Variants in RNF213 observed in about 807,000 individuals in gnomAD.
RNF213 encodes the protein E3 ubiquitin-protein ligase RNF213.
Under a neutral mutation model 514.4 loss-of-function variants are expected in RNF213, and 341 were observed. The observed-to-expected ratio is 0.66, with a 90% confidence interval of 0.61 to 0.73. The LOEUF (loss-of-function observed/expected upper bound fraction) is 0.73, where lower values mean the gene tolerates loss of function less well. Ranked by LOEUF, RNF213 falls within the 30% of genes least tolerant of loss-of-function variation. The pLI is 0.00. For synonymous variants in RNF213, 2,655 were observed against 2,658.2 expected (o/e 1.00, Z 0.04); for missense variants, 5,767 against 6,615.6 (o/e 0.87, Z 4.45).
At chr17:80,341,335 G>A (rs1028474905) in intron 26 of RNF213, 1 of 152,238 alleles carries the variant, frequency 6.6e-6, no homozygotes, top group African/African-American at 2.4e-5. Flanking sequence ...AGAAAGCCAT[G>A]CCTCTTGACC....
chr17:80,353,212 CTCA>C lies in RNF213; in HGVS notation c.10423+158_10423+160del. 3 of 1,080,788 alleles carry C rather than the reference CTCA, an allele frequency of 2.8e-6. No homozygotes were observed. The highest frequency in any genetic ancestry group is 4.1e-6 in the Non-Finnish European group (3 of 734,976). 66.9% of individuals were successfully genotyped at this position (1,080,788 alleles called of 1,614,324 possible). On this transcript the variant is annotated intron_variant, in intron 33 of 67. Coordinates refer to ENST00000582970, the MANE Select transcript of RNF213 (RefSeq NM_001256071.3). The surrounding 1 kb of genome is among the most constrained non-coding windows in gnomAD (Gnocchi z 5.0). ...ACACATCTGCAGAACTGACTGGTGGCTCATCATAGAGCACCAGGGCCGAGCAGG... is the reference window on the plus strand; with the variant it reads ...ACACATCTGCAGAACTGACTGGTGGCTCATAGAGCACCAGGGCCGAGCAGG...
At chr17:80,379,887 A>T in intron 55 of RNF213, 173 bp downstream of exon 55, 1 of 666,114 alleles carries the variant, frequency 1.5e-6, no homozygotes, top group Non-Finnish European at 2.7e-6. Context: ...GCAGGGAGGC[A>T]TCTGATCTGT....
At chr17:80,261,619 G>C (rs541030703) in intron 1 of RNF213, among the ~76,000 whole-genome samples, 46 of 152,354 alleles carry the variant, frequency 3.0e-4, no homozygotes, top group African/African-American at 1.0e-3. Flanking sequence ...TCTGTGCTTG[G>C]GAAAAAATGT....
intron 15 of RNF213, 127 bp downstream of exon 15, chr17:80,313,294 C>A (rs1265349566): frequency 2.4e-6 from 3 of 1,250,572 alleles, no homozygotes; most frequent in Non-Finnish European, 3.5e-6. Flanking sequence ...CTCAGTTCTT[C>A]ATCTACAAAA....
intron 22 of RNF213, among the ~76,000 whole-genome samples, 163 bp from the exon 23 acceptor site, chr17:80,335,998 A>C (rs1226108056): frequency 6.6e-6 from 1 of 151,678 alleles, no homozygotes; most frequent in East Asian, 1.9e-4. Context: ...AAAAAACTAC[A>C]AAAGATTAGG....
rs17857135 is a variant in RNF213 at position 80,288,362 on chromosome 17, T to C, written c.809T>C (p.Met270Thr). The C allele has an allele frequency of 0.17, 280,125 of 1,611,786 alleles. 27,277 individuals are homozygous for C. Among genetic ancestry groups the C allele is most frequent in the African/African-American group, 0.41 (30,460 of 74,902 alleles). Residue 270 changes from methionine (M) to threonine (T), a missense_variant and splice_region_variant, in exon 4 of 68, where the codon ATG (methionine) becomes ACG (threonine). Around this residue, in one of 13 missense-constraint regions of RNF213, gnomAD observed 509 missense variants for 496.7 expected, o/e 1.02. Transcript: ENST00000582970. The surrounding 1 kb of genome is among the most constrained non-coding windows in gnomAD (Gnocchi z 4.9). Reference sequence around the variant, plus strand: ...CAACAGGCAGGGGCCTCAGCCTCTATGGTGAGTCATCCGGGAGAGATGGCC... The same window carrying C: ...CAACAGGCAGGGGCCTCAGCCTCTACGGTGAGTCATCCGGGAGAGATGGCC... The part of the protein sequence containing the change: ...TEQQAGASAS[M>T]AVDAVAEPAN...
intron 54 of RNF213, 101 bp from the exon 55 acceptor site, chr17:80,379,519 C>G: frequency 9.1e-7 from 1 of 1,100,742 alleles, no homozygotes; most frequent in Non-Finnish European, 1.4e-6. Flanking sequence ...TGAGGGTGCT[C>G]ACGTCTGCCG....
Position 80,376,897 on chromosome 17 carries a change from A to G in RNF213, c.13444A>G (p.Thr4482Ala), listed in dbSNP as rs766679636. The G allele has an allele frequency of 2.5e-5, 40 of 1,613,834 alleles. No homozygotes were observed. Among genetic ancestry groups the G allele is most frequent in the Middle Eastern group, 1.6e-4 (1 of 6,074 alleles). ...TGTTTTTCAGCATGCTTTTCTTCCA[A>G]CCATGCCTGAAGACTTGCTGGCTCA... ...PATMAHAFLP[T>A]MPEDLLAQAR... Residue 4482 changes from threonine (T) to alanine (A), a missense_variant, in exon 53 of 68, where the codon ACC (threonine) becomes GCC (alanine). Around this residue, in one of 13 missense-constraint regions of RNF213, gnomAD observed 1,245 missense variants for 1,339.0 expected, o/e 0.93. Transcript: ENST00000582970.
At position 80,396,181 on chromosome 17, in the gene RNF213, G is replaced by C. The variant is rs1463280199; in HGVS notation, c.*2683G>C. On this transcript the variant is annotated 3_prime_UTR_variant, in exon 68 of 68. Transcript: ENST00000582970. ...GGAGGCTGAGGTATGAGGATTGCTTGAGCCTGGGAGTTTGAGGCTGCAGTG... is the reference window on the plus strand; with the variant it reads ...GGAGGCTGAGGTATGAGGATTGCTTCAGCCTGGGAGTTTGAGGCTGCAGTG... The C allele has an allele frequency of 1.3e-5, 2 of 152,204 alleles. No homozygotes were observed. The highest frequency in any genetic ancestry group is 2.9e-5 in the Non-Finnish European group (2 of 68,088). The allele number at this position is 152,204 out of a possible 1,614,324, so 9.4% of individuals were successfully genotyped here. A position where few individuals can be genotyped will look rare whatever the true frequency, so the allele number is the denominator to read the frequency against.
At position 80,384,882 on chromosome 17, in the gene RNF213, C is replaced by G. The variant is rs1479933521; in HGVS notation, c.14323-157C>G. Reference sequence around the variant, plus strand: ...ACTGTCTGTAGACTTGTGGGAAGAACTTTTCCCGTTTTCAAGCTCCACGCT... The same window carrying G: ...ACTGTCTGTAGACTTGTGGGAAGAAGTTTTCCCGTTTTCAAGCTCCACGCT... On this transcript the variant is annotated intron_variant, in intron 59 of 67. Coordinates refer to ENST00000582970, the MANE Select transcript of RNF213 (RefSeq NM_001256071.3). 3.7e-6 allele frequency: 3 copies of G among 807,072 alleles called. No individual in the cohort carries two copies. In the East Asian group the frequency reaches 8.0e-5, roughly 22 times the overall value. The allele number at this position is 807,072 out of a possible 1,614,324, so 50.0% of individuals were successfully genotyped here. A position where few individuals can be genotyped will look rare whatever the true frequency, so the allele number is the denominator to read the frequency against.
At position 80,376,475 on chromosome 17, in the gene RNF213, C is replaced by T. The variant is rs2144556493; in HGVS notation, c.13360C>T (p.Leu4454Phe). The change falls in exon 52 of 68, where the codon CTT becomes TTT. Residue 4454 changes from leucine to phenylalanine, a missense_variant. Coordinates refer to ENST00000582970, the MANE Select transcript of RNF213 (RefSeq NM_001256071.3). ...AATGGCCATTCATGCTGCAGCCGTC[C>T]TTCTGTGTGGACAGAATGAACTCTT... ...TEMAIHAAAVLLCGQNELLEP... is the reference protein window; with the variant it reads ...TEMAIHAAAVFLCGQNELLEP... The T allele has an allele frequency of 3.7e-6, 6 of 1,614,162 alleles. No individual in the cohort carries two copies. The highest frequency in any genetic ancestry group is 4.5e-5 in the East Asian group (2 of 44,888).
intron 3 of RNF213, chr17:80,278,754 G>A (rs1191136828): frequency 3.3e-6 from 5 of 1,537,100 alleles, no homozygotes; most frequent in East Asian, 2.4e-5. Context: ...AGGGGGTCGT[G>A]TTTCAACAGG....
intron 42 of RNF213, among the ~76,000 whole-genome samples, chr17:80,366,668 T>TA (rs60777731): frequency 1.8e-4 from 27 of 150,460 alleles, no homozygotes; most frequent in South Asian, 8.4e-4. Context: ...TGGCTCAAAA[T>TA]AAAAAAAAAA....
At position 80,347,705 on chromosome 17, in the gene RNF213, G is replaced by A. The variant is rs761593738; in HGVS notation, c.9370G>A (p.Gly3124Ser). The change falls in exon 29 of 68, where the codon GGC becomes AGC. Residue 3124 changes from glycine (G) to serine (S), a missense_variant. By Grantham distance (56) the Gly-to-Ser change is moderately conservative. Coordinates refer to ENST00000582970, the MANE Select transcript of RNF213 (RefSeq NM_001256071.3). The surrounding 1 kb of genome is among the most constrained non-coding windows in gnomAD (Gnocchi z 7.2). ...ACTCAACCAGTACTACGTCCACCTC[G>A]GCGGCCAGAAGTACGTGGACCTCGG... ...DALNQYYVHL[G>S]GQKYVDLGLG... 9.9e-6 allele frequency: 16 copies of A among 1,613,808 alleles called. No homozygotes were observed. The highest frequency in any genetic ancestry group is 1.3e-5 in the African/African-American group (1 of 74,940).
intron 28 of RNF213, among the ~76,000 whole-genome samples, chr17:80,344,418 T>G (rs2078246511): frequency 6.6e-6 from 1 of 152,194 alleles, no homozygotes; most frequent in Non-Finnish European, 1.5e-5. Context: ...ATAATACATG[T>G]ATAGCTTAGT....
Position 80,263,086 on chromosome 17 carries a change from G to T in RNF213, c.-108-488G>T, listed in dbSNP as rs569439969. ...CCCGGAGGCCTGAGTCCTGGCCTTG[G>T]TCTGGTTTGATGCCATCCACCGCAG... is the stretch of plus-strand genomic sequence containing the variant. On this transcript the variant is annotated intron_variant, in intron 1 of 67. Coordinates refer to ENST00000582970, the MANE Select transcript of RNF213 (RefSeq NM_001256071.3). The surrounding 1 kb of genome is among the most constrained non-coding windows in gnomAD (Gnocchi z 4.9). Among the ~76,000 whole-genome samples, 4 of 152,298 alleles carry T rather than the reference G, an allele frequency of 2.6e-5. No individual in the cohort carries two copies. Among genetic ancestry groups the T allele is most frequent in the African/African-American group, 9.6e-5 (4 of 41,568 alleles).
chr17:80,364,471 T>G lies in RNF213; in HGVS notation c.11789T>G (p.Val3930Gly). Residue 3930 changes from valine (V) to glycine (G), a missense_variant, in exon 42 of 68, where the codon GTG (valine) becomes GGG (glycine). Around this residue, in one of 13 missense-constraint regions of RNF213, gnomAD observed 355 missense variants for 358.0 expected, o/e 0.99. Transcript: ENST00000582970. ...CGGATTTTCTCCACCGCACTCTTCGTGGAGCACGTGCTCCTAGGAACCGAG... is the reference window on the plus strand; with the variant it reads ...CGGATTTTCTCCACCGCACTCTTCGGGGAGCACGTGCTCCTAGGAACCGAG... ...WSRIFSTALF[V>G]EHVLLGTESR... 6.2e-7 allele frequency: 1 copy of G among 1,614,180 alleles called. No homozygotes were observed. Among genetic ancestry groups the G allele is most frequent in the Non-Finnish European group, 8.5e-7 (1 of 1,180,022 alleles).
chr17:80,306,647 C>T (rs535795767), intron 12 of RNF213, among the ~76,000 whole-genome samples, 179 bp downstream of exon 12: 1 of 152,162 alleles, frequency 6.6e-6, no homozygotes, highest in African/African-American at 2.4e-5. Flanking sequence ...GTCAGGAGAT[C>T]GAGACCATCC....
chr17:80,367,711 C>A (rs1191924957), intron 42 of RNF213, 37 bp from the exon 43 acceptor site: 2 of 1,569,898 alleles, frequency 1.3e-6, no homozygotes, highest in East Asian at 4.5e-5. Flanking sequence ...CTCAGCCCTC[C>A]CCCCTGCTAA....
Sources: allele counts gnomAD v4.1 joint callset (sites outside exome capture counted in the v4.1 genomes callset), GRCh38; gene constraint gnomAD v4.1.1; regional missense constraint gnomAD v4.1.1; non-coding constraint Gnocchi (gnomAD v3.1); transcripts MANE v1.5; gene names NCBI Gene and HGNC (gene_info 2026-07-23, HGNC 2026-07-21).